The following ZNF248 variants were observed in gnomAD, a reference collection of about 807,000 sequenced individuals.
ZNF248 encodes the protein zinc finger protein 248, also known as KRAB protein domain.
In ZNF248, 20 loss-of-function variants were observed where a neutral mutation model predicts 44.3. That is an observed-to-expected ratio of 0.45 (90% CI 0.32 to 0.66). The LOEUF (loss-of-function observed/expected upper bound fraction) is 0.66, where lower values mean the gene tolerates loss of function less well. Among genes scored for constraint, ZNF248 ranks in the 30% least tolerant of loss-of-function variants. ZNF248 has a pLI of 0.04. For synonymous variants in ZNF248, 224 were observed against 229.0 expected, an observed-to-expected ratio of 0.98 and a Z score of 0.20; for missense variants, 654 against 677.0, an observed-to-expected ratio of 0.97 and a Z score of 0.38.
At chr10:37,810,767 A>C (rs2051361259) in intron 6 of ZNF248, among the ~76,000 whole-genome samples, 1 of 152,202 alleles carries the variant, frequency 6.6e-6, no homozygotes, top group South Asian at 2.1e-4. Context: ...AAGACTGTAC[A>C]TGGTACCATT....
intron 1 of ZNF248, 178 bp from the exon 2 acceptor site, chr10:37,856,710 A>G: frequency 1.0e-6 from 1 of 992,728 alleles, no homozygotes; most frequent in Non-Finnish European, 1.2e-6. Context: ...AGATAATGCA[A>G]AAGACCTCTA....
intron 6 of ZNF248, among the ~76,000 whole-genome samples, chr10:37,807,952 G>C (rs2050827750): frequency 6.6e-6 from 1 of 152,062 alleles, no homozygotes; most frequent in African/African-American, 2.4e-5. Context: ...TTTTACCCGA[G>C]TACGACATTA....
Position 37,829,025 on chromosome 10 carries a change from C to CAGAAATGAAT in ZNF248, c.*2580_*2589dup. ...ACTGAGCCTTCTACATAGGAATTTA[C>CAGAAATGAAT]AGAAATGAATAACACTGTGCTGCTT... On this transcript the variant is annotated 3_prime_UTR_variant, in exon 6 of 6. Transcript: ENST00000395867. 1 of 985,440 alleles carries CAGAAATGAAT rather than the reference C, an allele frequency of 1.0e-6. No individual in the cohort carries two copies. Among genetic ancestry groups the CAGAAATGAAT allele is most frequent in the South Asian group, 4.7e-5 (1 of 21,294 alleles). The allele number at this position is 985,440 out of a possible 1,614,324, so 61.0% of individuals were successfully genotyped here.
intron 6 of ZNF248, among the ~76,000 whole-genome samples, chr10:37,778,049 C>A (rs1418209320): frequency 6.6e-6 from 1 of 152,000 alleles, no homozygotes; most frequent in South Asian, 2.1e-4. Flanking sequence ...GGGTATATAC[C>A]CAGTAATGGG....
intron 6 of ZNF248, among the ~76,000 whole-genome samples, chr10:37,796,379 CTTTT>C (rs201345857): frequency 7.0e-6 from 1 of 143,392 alleles, no homozygotes; most frequent in Non-Finnish European, 1.5e-5. Flanking sequence ...CTACAGCTGG[CTTTT>C]TTTTTTTGTA....
At chr10:37,796,712 A>G (rs969456228) in intron 6 of ZNF248, among the ~76,000 whole-genome samples, 5 of 150,234 alleles carry the variant, frequency 3.3e-5, no homozygotes, top group African/African-American at 1.2e-4. Flanking sequence ...TTTTTTTTGC[A>G]AAAAAAGTAT....
chr10:37,846,452 G>A (rs193155626), intron 3 of ZNF248, among the ~76,000 whole-genome samples: 1 of 151,990 alleles, frequency 6.6e-6, no homozygotes, highest in South Asian at 2.1e-4. Flanking sequence ...TGGTCAACAG[G>A]ATCTGGTGGC....
At position 37,828,841 on chromosome 10, in the gene ZNF248, G is replaced by A. The variant is rs1411206732; in HGVS notation, c.*2774C>T. The A allele has an allele frequency of 2.0e-6, 2 of 985,376 alleles. No individual in the cohort carries two copies. The highest frequency in any genetic ancestry group is 2.4e-6 in the Non-Finnish European group (2 of 829,924). 61.0% of individuals were successfully genotyped at this position (985,376 alleles called of 1,614,324 possible). ...CCACATACAATAAGAAACACCACAG[G>A]GAGGTATGAATAATGTAATTTAATA... On this transcript the variant is annotated 3_prime_UTR_variant, in exon 6 of 6. Transcript: ENST00000395867.
At chr10:37,810,014 T>C (rs2051239473) in intron 6 of ZNF248, among the ~76,000 whole-genome samples, 1 of 152,180 alleles carries the variant, frequency 6.6e-6, no homozygotes, top group Admixed American at 6.5e-5. Context: ...TCTGTAGTAG[T>C]TGTTGTTGGA....
At chr10:37,843,908 A>G (rs2058803757) in intron 3 of ZNF248, among the ~76,000 whole-genome samples, 1 of 152,206 alleles carries the variant, frequency 6.6e-6, no homozygotes, top group Non-Finnish European at 1.5e-5. Context: ...AATAGAGCCT[A>G]AGGGACCTGT....
chr10:37,855,476 C>T (rs1040829525), intron 3 of ZNF248, among the ~76,000 whole-genome samples: 4 of 151,748 alleles, frequency 2.6e-5, no homozygotes, highest in Non-Finnish European at 5.9e-5. Flanking sequence ...AAAAACAGAC[C>T]GAGAAGAACC....
At chr10:37,777,986 C>CAA (rs2046798245) in intron 6 of ZNF248, among the ~76,000 whole-genome samples, 2 of 151,812 alleles carry the variant, frequency 1.3e-5, no homozygotes, top group South Asian at 4.2e-4. Context: ...AATAGTGCTG[C>CAA]AATAAACATA....
downstream of ZNF248, among the ~76,000 whole-genome samples, chr10:37,774,000 C>T (rs2046388257): frequency 6.6e-6 from 1 of 152,084 alleles, no homozygotes; most frequent in Non-Finnish European, 1.5e-5. Flanking sequence ...CACACACACA[C>T]ACACACACAC....
In ZNF248 at chr10:37,831,850, C is replaced by G. The variant is rs1442752661; in HGVS notation, c.1505G>C (p.Cys502Ser). ...FICNECGKSFCVKSNLIVHQR... is the reference protein window; with the variant it reads ...FICNECGKSFSVKSNLIVHQR... ...ATGTACAATGAGGTTTGACTTCACA[C>G]AGAAGGATTTTCCACATTCATTACA... Residue 502 changes from cysteine (C) to serine (S), a missense_variant, in exon 6 of 6, where the codon TGT (cysteine) becomes TCT (serine). Cys to Ser is a moderately radical substitution (Grantham distance 112). Coordinates refer to ENST00000395867, the MANE Select transcript of ZNF248 (RefSeq NM_021045.3). 1 of 1,614,062 alleles carries G rather than the reference C, an allele frequency of 6.2e-7. No individual in the cohort carries two copies. Among genetic ancestry groups the G allele is most frequent in the South Asian group, 1.1e-5 (1 of 91,086 alleles).
At chr10:37,767,452 G>A in the ZNF248 span, among the ~76,000 whole-genome samples, 6 of 152,268 alleles carry the variant, frequency 3.9e-5, no homozygotes, top group South Asian at 2.1e-4. Context: ...AAGCCAGAAG[G>A]GAGTGGGGGC....
intron 6 of ZNF248, among the ~76,000 whole-genome samples, chr10:37,792,704 A>G (rs770423632): frequency 3.9e-5 from 6 of 152,208 alleles, no homozygotes; most frequent in Non-Finnish European, 7.3e-5. Context: ...CCATAACCCC[A>G]GTATGATTGT....
downstream of ZNF248, among the ~76,000 whole-genome samples, chr10:37,772,385 TATATA>T (rs2046288711): frequency 6.6e-6 from 1 of 152,168 alleles, no homozygotes. Flanking sequence ...GTGTGTTACA[TATATA>T]ATATATATTG....
rs1267948511 is a variant in ZNF248 at position 37,830,109 on chromosome 10, C to T, written c.*1506G>A. 1 of 985,366 alleles carries T rather than the reference C, an allele frequency of 1.0e-6. No individual in the cohort carries two copies. The highest frequency in any genetic ancestry group is 1.2e-6 in the Non-Finnish European group (1 of 829,928). 61.0% of individuals were successfully genotyped at this position (985,366 alleles called of 1,614,324 possible). On this transcript the variant is annotated 3_prime_UTR_variant, in exon 6 of 6. Coordinates refer to ENST00000395867, the MANE Select transcript of ZNF248 (RefSeq NM_021045.3). ...TAGTGTTACATAGACCGTGCCCAAACAGATACACAATGAAAAATCAAGGAT... is the reference window on the plus strand; with the variant it reads ...TAGTGTTACATAGACCGTGCCCAAATAGATACACAATGAAAAATCAAGGAT...
At chr10:37,807,107 C>A (rs900190126) in intron 6 of ZNF248, among the ~76,000 whole-genome samples, 2 of 152,112 alleles carry the variant, frequency 1.3e-5, no homozygotes, top group Non-Finnish European at 2.9e-5. Flanking sequence ...TCTCAGCCTC[C>A]CGAGTAGCTG....
Sources: gnomAD v4.1 joint callset for allele counts (sites outside exome capture counted in the v4.1 genomes callset) on GRCh38, gnomAD v4.1.1 for gene constraint, MANE v1.5 for transcripts, NCBI Gene and HGNC (gene_info 2026-07-23, HGNC 2026-07-21) for gene names.